The following ZNF99 variants were observed in gnomAD, a reference collection of about 807,000 sequenced individuals.
The protein encoded by ZNF99 is zinc finger protein ENSP00000375192.
ZNF99 carries 8 observed loss-of-function variants against 12.8 expected under a neutral mutation model. The ratio of observed to expected loss-of-function variants is 0.62; its 90% CI spans 0.37 to 1.13. ZNF99 has a LOEUF of 1.13. ZNF99 is among the 50% of genes most tolerant of loss of function. The pLI, the probability that ZNF99 is intolerant of heterozygous loss-of-function variation, is 0.02. For missense variants in ZNF99, 1,007 were observed against 1,006.2 expected, an observed-to-expected ratio of 1.00 and a Z score of -0.01; for synonymous variants, 318 against 319.0, an observed-to-expected ratio of 1.00 and a Z score of 0.03.
intron 3 of ZNF99, among the ~76,000 whole-genome samples, chr19:22,760,130 T>G (rs1973134230): frequency 6.6e-6 from 1 of 152,086 alleles, no homozygotes; most frequent in South Asian, 2.1e-4. Flanking sequence ...AAACTCCATC[T>G]CTACTAAAAA....
chr19:22,761,520 T>C (rs767498011), intron 3 of ZNF99, among the ~76,000 whole-genome samples: 5 of 152,170 alleles, frequency 3.3e-5, no homozygotes, highest in African/African-American at 4.8e-5. Flanking sequence ...ATAAATGAGA[T>C]AGACACCAAC....
chr19:22,783,057 A>G (rs1973407833), intron 1 of ZNF99, among the ~76,000 whole-genome samples: 1 of 152,038 alleles, frequency 6.6e-6, no homozygotes, highest in Non-Finnish European at 1.5e-5. Context: ...AGGAGGGCAG[A>G]TCACCTGACG....
rs878990000 is a variant in ZNF99, at chr19:22,756,572, T to C, written c.*742A>G. 1 of 1,597,068 alleles carries C rather than the reference T, an allele frequency of 6.3e-7. No homozygotes were observed. Among genetic ancestry groups the C allele is most frequent in the East Asian group, 2.3e-5 (1 of 44,184 alleles). On this transcript the variant is annotated 3_prime_UTR_variant, in exon 4 of 4. Transcript: ENST00000596209. ...TCTCCAGTATGAATTGATTTATGTT[T>C]AGTAAGGTGTGAGGATTGCTTAAAA...
chr19:22,773,351 T>C (rs548593956), intron 1 of ZNF99, among the ~76,000 whole-genome samples: 3 of 152,360 alleles, frequency 2.0e-5, no homozygotes, highest in South Asian at 4.1e-4. Flanking sequence ...AAAACTGTTG[T>C]ATTACACAAT....
chr19:22,783,375 A>T (rs927365588), intron 1 of ZNF99, among the ~76,000 whole-genome samples: 1 of 152,158 alleles, frequency 6.6e-6, no homozygotes, highest in Non-Finnish European at 1.5e-5. Flanking sequence ...AACCAACTAT[A>T]AACTACAATT....
At chr19:22,780,266 G>T (rs1312808512) in intron 1 of ZNF99, among the ~76,000 whole-genome samples, 1 of 152,136 alleles carries the variant, frequency 6.6e-6, no homozygotes, top group East Asian at 1.9e-4. Context: ...AAAATTCAGT[G>T]CAATTACTCT....
At chr19:22,774,208 C>T (rs1973301682) in intron 1 of ZNF99, 1 of 152,132 alleles carries the variant, frequency 6.6e-6, no homozygotes, top group African/African-American at 2.4e-5. Context: ...ATCAAGTCAG[C>T]CAGAAAATAC....
At chr19:22,765,102 G>A (rs1289784985) in intron 3 of ZNF99, among the ~76,000 whole-genome samples, 2 of 152,096 alleles carry the variant, frequency 1.3e-5, no homozygotes, top group Non-Finnish European at 2.9e-5. Flanking sequence ...ATTAACCAAT[G>A]AGTGGATAAA....
Position 22,756,237 on chromosome 19 carries a change from G to T in ZNF99, c.*1077C>A. ...TTCTCCCCAGTATGAATTATCTTATGTTTAGTAAGGGCTGAAAGATGGTTA... is the reference window on the plus strand; with the variant it reads ...TTCTCCCCAGTATGAATTATCTTATTTTTAGTAAGGGCTGAAAGATGGTTA... On this transcript the variant is annotated 3_prime_UTR_variant, in exon 4 of 4. Coordinates refer to ENST00000596209, the MANE Select transcript of ZNF99 (RefSeq NM_001080409.3). 6.4e-7 allele frequency: 1 copy of T among 1,565,794 alleles called. No individual in the cohort carries two copies. Among genetic ancestry groups the T allele is most frequent in the Non-Finnish European group, 8.6e-7 (1 of 1,156,490 alleles).
At position 22,769,308 on chromosome 19, in the gene ZNF99, C is replaced by T. The variant is rs367563962; in HGVS notation, c.20G>A (p.Trp7Ter). The T allele has an allele frequency of 5.6e-6, 9 of 1,607,320 alleles. No homozygotes were observed. The African/African-American group carries it at 9.4e-5, about 17-fold the overall frequency. MGSLTFWDVTIEFALEE... is the reference protein window; with the variant it reads MGSLTF Reference sequence around the variant, plus strand: ...CAGAGCGAATTCTATGGTCACATCCCAAAATGTCAACGATCCCTGAAAAAC... The same window carrying T: ...CAGAGCGAATTCTATGGTCACATCCTAAAATGTCAACGATCCCTGAAAAAC... The change falls in exon 2 of 4, where the codon TGG becomes TAG. Residue 7 changes from tryptophan (W) to a stop codon, truncating the protein, a stop_gained. Coordinates refer to ENST00000596209, the MANE Select transcript of ZNF99 (RefSeq NM_001080409.3). LOFTEE classifies it high-confidence loss of function.
rs144533690 is a variant in ZNF99, at chr19:22,757,292, T to C, written c.*22A>G. On this transcript the variant is annotated 3_prime_UTR_variant, in exon 4 of 4. Coordinates refer to ENST00000596209, the MANE Select transcript of ZNF99 (RefSeq NM_001080409.3). ...AGCTTTGCCACATTCTTCACATTTG[T>C]AGGGTTTCTTTCCAGTATGAATTAT... is the stretch of plus-strand genomic sequence containing the variant. 9.5e-4 allele frequency: 1,526 copies of C among 1,613,026 alleles called. 19 individuals carry two copies. In the African/African-American group the frequency reaches 0.017, roughly 18 times the overall value.
At chr19:22,768,809 G>C (rs1973232683) in intron 2 of ZNF99, among the ~76,000 whole-genome samples, 1 of 152,078 alleles carries the variant, frequency 6.6e-6, no homozygotes, top group Non-Finnish European at 1.5e-5. Flanking sequence ...GAGGCAGGTG[G>C]ATCACCTGAG....
intron 3 of ZNF99, among the ~76,000 whole-genome samples, chr19:22,760,708 C>T (rs1264319733): frequency 1.3e-5 from 2 of 151,966 alleles, no homozygotes; most frequent in African/African-American, 2.4e-5. Context: ...CATGCCACTG[C>T]ACTCCAGCCT....
intron 3 of ZNF99, among the ~76,000 whole-genome samples, chr19:22,765,139 AAC>A (rs1973190525): frequency 6.6e-6 from 1 of 152,200 alleles, no homozygotes; most frequent in Admixed American, 6.5e-5. Flanking sequence ...TATATAATGG[AAC>A]ACTACTCAGC....
chr19:22,768,201 C>A, intron 3 of ZNF99, 104 bp downstream of exon 3: 2 of 1,293,054 alleles, frequency 1.5e-6, no homozygotes, highest in South Asian at 1.3e-5. Context: ...CCAGAAACTA[C>A]TTCCTTTGGA....
rs1039446375 is a variant in ZNF99 at position 22,757,120 on chromosome 19, T to C, written c.*194A>G. ...TAAAAGCTTTTCCACATTCTCCACA[T>C]TTGTAGGGCTTCTCCCCAGTATGAA... On this transcript the variant is annotated 3_prime_UTR_variant, in exon 4 of 4. Coordinates refer to ENST00000596209, the MANE Select transcript of ZNF99 (RefSeq NM_001080409.3). 1.2e-6 allele frequency: 2 copies of C among 1,612,658 alleles called. No individual in the cohort carries two copies. The highest frequency in any genetic ancestry group is 1.7e-6 in the Non-Finnish European group (2 of 1,179,122).
intron 1 of ZNF99, among the ~76,000 whole-genome samples, chr19:22,776,408 G>A (rs1304511963): frequency 2.9e-5 from 2 of 69,654 alleles, no homozygotes; most frequent in Non-Finnish European, 2.8e-5. Context: ...TCCAAAATAA[G>A]ATATATATAT....
intron 3 of ZNF99, among the ~76,000 whole-genome samples, 198 bp downstream of exon 3, chr19:22,768,107 G>A (rs1359419635): frequency 1.3e-5 from 2 of 152,142 alleles, no homozygotes; most frequent in Non-Finnish European, 2.9e-5. Flanking sequence ...TTACCAAAAC[G>A]AAAATAGAAT....
chr19:22,778,237 G>A, intron 1 of ZNF99, among the ~76,000 whole-genome samples: 1 of 151,990 alleles, frequency 6.6e-6, no homozygotes, highest in Non-Finnish European at 1.5e-5. Context: ...GAGGAGACCT[G>A]AAATCACAGG....
Sources: gnomAD v4.1 joint callset for allele counts (sites outside exome capture counted in the v4.1 genomes callset) on GRCh38, gnomAD v4.1.1 for gene constraint, MANE v1.5 for transcripts, NCBI Gene and HGNC (gene_info 2026-07-23, HGNC 2026-07-21) for gene names.